The following DNAH12 variants were observed in gnomAD, a reference collection of about 807,000 sequenced individuals.
DNAH12 encodes dynein axonemal heavy chain 12.
Under a neutral mutation model 371.5 loss-of-function variants are expected in DNAH12, and 285 were observed. The ratio of observed to expected loss-of-function variants is 0.77; its 90% CI spans 0.70 to 0.85. The LOEUF is 0.85. DNAH12 is among the 40% of genes least tolerant of loss of function. The pLI is 0.00. For missense variants in DNAH12, 3,611 were observed against 3,689.4 expected, an observed-to-expected ratio of 0.98 and a Z score of 0.55; for synonymous variants, 1,200 against 1,213.0, an observed-to-expected ratio of 0.99 and a Z score of 0.22.
At chr3:57,326,560 C>T (rs1474452879) in intron 62 of DNAH12, among the ~76,000 whole-genome samples, 4 of 152,122 alleles carry the variant, frequency 2.6e-5, no homozygotes, top group African/African-American at 9.7e-5. Context: ...CTGAAGGAAG[C>T]ACTAAACATG....
intron 55 of DNAH12, among the ~76,000 whole-genome samples, chr3:57,371,801 A>G (rs1046626606): frequency 2.0e-5 from 3 of 151,852 alleles, no homozygotes; most frequent in African/African-American, 7.3e-5. Flanking sequence ...AAGAGGAACT[A>G]AAGTAAGACT....
At chr3:57,448,533 T>G (rs1029188573) in intron 25 of DNAH12, among the ~76,000 whole-genome samples, 2 of 116,734 alleles carry the variant, frequency 1.7e-5, no homozygotes, top group Non-Finnish European at 4.1e-5. Flanking sequence ...GACAGCTCAG[T>G]GGACCCAGAG....
At chr3:57,354,095 A>G (rs1175347619) in intron 59 of DNAH12, among the ~76,000 whole-genome samples, 1 of 152,044 alleles carries the variant, frequency 6.6e-6, no homozygotes, top group African/African-American at 2.4e-5. Context: ...TACTATTCAC[A>G]ATAGCAAAGA....
chr3:57,406,746 T>C (rs1559623524), intron 40 of DNAH12, among the ~76,000 whole-genome samples: 3 of 152,132 alleles, frequency 2.0e-5, no homozygotes, highest in Non-Finnish European at 4.4e-5. Flanking sequence ...TATCTCTTAT[T>C]CCCTCACCCC....
intron 29 of DNAH12, 148 bp downstream of exon 29, chr3:57,444,549 A>G (rs1233426673): frequency 2.5e-6 from 3 of 1,198,658 alleles, no homozygotes; most frequent in Non-Finnish European, 3.5e-6. Context: ...AAGTACCCAA[A>G]TTTACTTATT....
chr3:57,512,433 G>T (rs1330815760), intron 4 of DNAH12: 1 of 152,190 alleles, frequency 6.6e-6, no homozygotes, highest in Non-Finnish European at 1.5e-5. Flanking sequence ...ACAAGAATGT[G>T]AAAATACTAC....
At position 57,419,520 on chromosome 3, in the gene DNAH12, T is replaced by C. The variant is rs1241329979; in HGVS notation, c.5563-2A>G. 1 of 1,422,328 alleles carries C rather than the reference T, an allele frequency of 7.0e-7. No individual in the cohort carries two copies. Among genetic ancestry groups the C allele is most frequent in the Admixed American group, 3.4e-5 (1 of 29,476 alleles). The allele number at this position is 1,422,328 out of a possible 1,614,324, so 88.1% of individuals were successfully genotyped here. ...GACCCAGCGACCTTTGTTTTTCAAC[T>C]ACAAGAAAATATAAGTTTTAAAATA... is the stretch of plus-strand genomic sequence containing the variant. On this transcript the variant is annotated splice_acceptor_variant, in intron 36 of 73. Coordinates refer to ENST00000495027, the MANE Select transcript of DNAH12 (RefSeq NM_001366028.2). LOFTEE classifies it high-confidence loss of function.
chr3:57,445,271 T>C lies in DNAH12; in HGVS notation c.4328A>G (p.Gln1443Arg), dbSNP rs1286102045. The C allele has an allele frequency of 1.9e-6, 3 of 1,551,460 alleles. No individual in the cohort carries two copies. The South Asian group carries it at 3.6e-5, about 18-fold the overall frequency. Residue 1443 changes from glutamine (Q) to arginine (R), a missense_variant, in exon 28 of 74, where the codon CAA becomes CGA. Gln to Arg is a conservative substitution (Grantham distance 43, BLOSUM62 1). Transcript: ENST00000495027. ...YRLCSEQLSS[Q>R]FHYDYGMRAV... ...TCGCATTCCATAGTCGTAATGAAAT[T>C]GCGATGAGAGCTGCTCTGAGCAAAG...
chr3:57,372,707 A>G (rs2063200868), intron 55 of DNAH12, among the ~76,000 whole-genome samples: 1 of 152,062 alleles, frequency 6.6e-6, no homozygotes, highest in Non-Finnish European at 1.5e-5. Flanking sequence ...GGGAGTGTTT[A>G]ACCAATAAGC....
intron 71 of DNAH12, 41 bp from the exon 72 acceptor site, chr3:57,296,476 C>A (rs2061235910): frequency 1.9e-5 from 27 of 1,429,494 alleles, no homozygotes; most frequent in Non-Finnish European, 2.6e-5. Context: ...CCTCTCCAGA[C>A]AACTTCATCT....
rs1437518707 is a variant in DNAH12, at chr3:57,393,561, G to A, written c.7110+610C>T. 1.6e-3 allele frequency among the ~76,000 whole-genome samples: 231 copies of A among 146,140 alleles called. 1 individual carries two copies. Among genetic ancestry groups the A allele is most frequent in the Non-Finnish European group, 2.6e-3 (177 of 67,242 alleles). On this transcript the variant is annotated intron_variant, in intron 44 of 73. Transcript: ENST00000495027. ...GAATGGCGTGAACCCGGGAGGCGGA[G>A]GTTGCAGTGAGGCGAGACCACATCA...
chr3:57,542,584 T>A, intron 2 of DNAH12, 117 bp downstream of exon 2: 1 of 1,162,878 alleles, frequency 8.6e-7, no homozygotes, highest in Non-Finnish European at 1.2e-6. Context: ...CTAATTAACT[T>A]GAAAATAGTA....
chr3:57,369,229 ATATAT>A (rs1206906570), intron 55 of DNAH12, among the ~76,000 whole-genome samples: 22 of 131,524 alleles, frequency 1.7e-4, no homozygotes, highest in East Asian at 4.1e-4. Context: ...TAAAAAAAAA[ATATAT>A]ATATATATAT....
intron 60 of DNAH12, among the ~76,000 whole-genome samples, chr3:57,335,221 G>A (rs879725346): frequency 6.6e-6 from 1 of 152,190 alleles, no homozygotes; most frequent in African/African-American, 2.4e-5. Context: ...AGGGAGGTGT[G>A]ATCAGAATCA....
At chr3:57,307,474 A>G (rs1359841194) in intron 69 of DNAH12, among the ~76,000 whole-genome samples, 4 of 152,146 alleles carry the variant, frequency 2.6e-5, no homozygotes, top group African/African-American at 9.7e-5. Context: ...TAGCCTTTTT[A>G]TCCAAACAAC....
chr3:57,300,978 A>C (rs1353911539), intron 70 of DNAH12, among the ~76,000 whole-genome samples: 2 of 152,014 alleles, frequency 1.3e-5, no homozygotes, highest in Non-Finnish European at 2.9e-5. Flanking sequence ...CTGAGATAAG[A>C]GGCACTGATT....
intron 5 of DNAH12, 98 bp from the exon 6 acceptor site, chr3:57,509,310 G>A: frequency 8.7e-7 from 1 of 1,143,930 alleles, no homozygotes; most frequent in Non-Finnish European, 1.3e-6. Flanking sequence ...ATAGTTTACT[G>A]TGCATTAAAA....
At chr3:57,467,339 A>G (rs2066235180) in intron 17 of DNAH12, among the ~76,000 whole-genome samples, 1 of 151,508 alleles carries the variant, frequency 6.6e-6, no homozygotes, top group Non-Finnish European at 1.5e-5. Context: ...CTGGTCTCGA[A>G]CTCCTGACCT....
intron 30 of DNAH12, among the ~76,000 whole-genome samples, chr3:57,435,373 C>CAAAAAAAAAAAAAAAAAAAAAAAAAA (rs34515598): frequency 4.2e-5 from 4 of 94,748 alleles, no homozygotes; most frequent in Admixed American, 1.4e-4. Context: ...CTCTGTCTCC[C>CAAAAAAAAAAAAAAAAAAAAAAAAAA]AAAAAAAAAA....
Sources: allele counts gnomAD v4.1 joint callset (sites outside exome capture counted in the v4.1 genomes callset), GRCh38; gene constraint gnomAD v4.1.1; transcripts MANE v1.5; gene names NCBI Gene and HGNC (gene_info 2026-07-23, HGNC 2026-07-21).